The following CACNA1F variants were observed in gnomAD, a reference collection of about 807,000 sequenced individuals.
CACNA1F encodes calcium voltage-gated channel subunit alpha1 F.
A neutral mutation model predicts 143.8 loss-of-function variants in CACNA1F; 59 were observed. The ratio of observed to expected loss-of-function variants is 0.41; its 90% CI spans 0.33 to 0.51. The LOEUF (loss-of-function observed/expected upper bound fraction) is 0.51. Among genes scored for constraint, CACNA1F ranks in the 20% least tolerant of loss-of-function variants. The probability of loss-of-function intolerance (pLI) is 0.22; values close to 1 mark genes in which losing one functional copy is unlikely to be tolerated. For missense variants in CACNA1F, 1,411 were observed against 1,647.5 expected (o/e 0.86, Z 2.48); for synonymous variants, 643 against 649.1 (o/e 0.99, Z 0.14).
At chrX:49,225,830 C>T in intron 13 of CACNA1F, 79 bp downstream of exon 13, 1 of 1,004,982 alleles carries the variant, frequency 1.0e-6, no homozygotes, top group Non-Finnish European at 1.4e-6. Context: ...GCTGAGGCGC[C>T]CTAGAGGTTT....
At position 49,207,016 on chromosome X, in the gene CACNA1F, T is replaced by G. The variant is rs2065604583; in HGVS notation, c.5220A>C (p.Glu1740Asp). ...KGQNKQDEDE[E>D]VPDRLSYLDE... ...CATGGCCAGTGTACCGATCAGGGAC[T>G]TCCTCATCCTCATCTTGCTTGTTTT... The change falls in exon 44 of 48, where the codon GAA becomes GAC. Residue 1740 changes from glutamate (E) to aspartate (D), a missense_variant. Physicochemically the swap from Glu to Asp is conservative, Grantham distance 45 (BLOSUM62 2). Coordinates refer to ENST00000323022, the MANE Select transcript of CACNA1F (RefSeq NM_001256789.3). The G allele has an allele frequency of 1.7e-6, 2 of 1,190,782 alleles. No homozygotes were observed. The highest frequency in any genetic ancestry group is 2.3e-6 in the Non-Finnish European group (2 of 879,941).
chrX:49,229,694 C>T lies in CACNA1F; in HGVS notation c.817+526G>A, dbSNP rs1286056946. Among the ~76,000 whole-genome samples the T allele has an allele frequency of 5.4e-5, 6 of 110,299 alleles. No homozygotes were observed. The Admixed American group carries it at 5.7e-4, about 10-fold the overall frequency. ...GAGTGCAGTGGCGCATCTCGGCTCACTGCAAGCTCCGCCTCCTGGGTTCAC... is the reference window on the plus strand; with the variant it reads ...GAGTGCAGTGGCGCATCTCGGCTCATTGCAAGCTCCGCCTCCTGGGTTCAC... On this transcript the variant is annotated intron_variant, in intron 6 of 47. Transcript: ENST00000323022.
chrX:49,216,276 C>T lies in CACNA1F; in HGVS notation c.3236+106G>A, dbSNP rs185798462. On this transcript the variant is annotated intron_variant, in intron 27 of 47. Transcript: ENST00000323022. Reference sequence around the variant, plus strand: ...ACCCTATCCAGTCTCGAGAGACCTTCGTCACATCCCCAAGGTACACTCCCA... The same window carrying T: ...ACCCTATCCAGTCTCGAGAGACCTTTGTCACATCCCCAAGGTACACTCCCA... 3.8e-4 allele frequency: 326 copies of T among 853,317 alleles called. 1 individual carries two copies. The African/African-American group carries it at 5.5e-3, about 14-fold the overall frequency. The allele number at this position is 853,317 out of a possible 1,213,427, so 70.3% of individuals were successfully genotyped here.
chrX:49,217,675 G>A, intron 26 of CACNA1F, 80 bp downstream of exon 26: 1 of 856,202 alleles, frequency 1.2e-6, no homozygotes, highest in Non-Finnish European at 1.7e-6. Context: ...TATATCTTTG[G>A]GCCTTGGTGA....
At chrX:49,227,346 A>G (rs2065836621) in intron 8 of CACNA1F, among the ~76,000 whole-genome samples, 1 of 111,102 alleles carries the variant, frequency 9.0e-6, no homozygotes, top group Admixed American at 9.6e-5. Context: ...TTCCCCAGAT[A>G]CAGGGTCTCA....
intron 47 of CACNA1F, 64 bp downstream of exon 47, chrX:49,205,552 C>T (rs782115008): frequency 1.9e-6 from 2 of 1,079,633 alleles, no homozygotes; most frequent in Admixed American, 2.5e-5. Flanking sequence ...TTTCCGTCCT[C>T]CTCCAGTACC....
intron 19 of CACNA1F, 31 bp downstream of exon 19, chrX:49,220,442 A>G (rs1557108521): frequency 6.0e-6 from 7 of 1,168,310 alleles, no homozygotes; most frequent in Non-Finnish European, 8.1e-6. Context: ...CCAAGGTCCC[A>G]CACCTGCTCC....
intron 18 of CACNA1F, 28 bp from the exon 19 acceptor site, chrX:49,220,552 A>G (rs1306550173): frequency 6.2e-6 from 7 of 1,128,617 alleles, no homozygotes; most frequent in Admixed American, 2.2e-5. Flanking sequence ...GGAGTCATCA[A>G]TGGTGAGGGA....
At chrX:49,208,894 C>T (rs1602624919) in intron 42 of CACNA1F, 1 of 452,078 alleles carries the variant, frequency 2.2e-6, no homozygotes, top group African/African-American at 2.4e-5. Flanking sequence ...GGCATGATCA[C>T]AGCTCACTGT....
Position 49,215,526 on chromosome X carries a change from A to G in CACNA1F, c.3254T>C (p.Ile1085Thr), listed in dbSNP as rs2065705591. ...EGWPALLYKA[I>T]DAYAEDHGPI... ...GCCGTGGTCCTCTGCATATGCATCGATGGCCTTGTATAGCAGTCTGTGGGA... is the reference window on the plus strand; with the variant it reads ...GCCGTGGTCCTCTGCATATGCATCGGTGGCCTTGTATAGCAGTCTGTGGGA... The change falls in exon 28 of 48, where the codon ATC (isoleucine) becomes ACC (threonine). Residue 1085 changes from isoleucine (I) to threonine (T), a missense_variant. Around this residue, in one of 3 missense-constraint regions of CACNA1F, gnomAD observed 950 missense variants for 1,128.1 expected, o/e 0.84. Transcript: ENST00000323022. 1 of 1,148,201 alleles carries G rather than the reference A, an allele frequency of 8.7e-7. No homozygotes were observed. Among genetic ancestry groups the G allele is most frequent in the Admixed American group, 2.3e-5 (1 of 44,312 alleles). The allele number at this position is 1,148,201 out of a possible 1,213,427, so 94.6% of individuals were successfully genotyped here.
intron 14 of CACNA1F, among the ~76,000 whole-genome samples, chrX:49,224,117 T>G (rs781826242): frequency 9.1e-6 from 1 of 110,481 alleles, no homozygotes; most frequent in African/African-American, 3.3e-5. Context: ...GGGGTTGTGA[T>G]GTATTTGGGG....
intron 42 of CACNA1F, 52 bp from the exon 43 acceptor site, chrX:49,208,736 T>G (rs782485242): frequency 1.4e-5 from 16 of 1,112,625 alleles, no homozygotes; most frequent in Non-Finnish European, 2.0e-5. Flanking sequence ...GCTAAGTCAT[T>G]TGGTCATATA....
intron 31 of CACNA1F, among the ~76,000 whole-genome samples, chrX:49,213,284 G>A (rs1475676292): frequency 2.7e-5 from 3 of 111,586 alleles, no homozygotes; most frequent in South Asian, 7.6e-4. Flanking sequence ...TGAGAGAACC[G>A]ATGGAGAAGC....
rs1557105897 is a variant in CACNA1F, at chrX:49,210,349, C to T, written c.4540G>A (p.Ala1514Thr). 4.1e-6 allele frequency: 5 copies of T among 1,208,323 alleles called. No homozygotes were observed. In the Admixed American group the frequency reaches 6.5e-5, roughly 16 times the overall value. The change falls in exon 39 of 48, where the codon GCC becomes ACC. Residue 1514 changes from alanine (A) to threonine (T), a missense_variant. Ala to Thr is a moderately conservative substitution (Grantham distance 58, BLOSUM62 0). Transcript: ENST00000323022. ...GTCCGGACCAGGGCAAAGAGTGTGG[C>T]GTTGAATGTCACCGTCCCATCTGAG... ...LNSDGTVTFN[A>T]TLFALVRTSL...
In CACNA1F at chrX:49,210,024, T is replaced by C. The variant is rs996550749; in HGVS notation, c.4607A>G (p.Asn1536Ser). The C allele has an allele frequency of 2.5e-6, 3 of 1,205,944 alleles. No individual in the cohort carries two copies. Among genetic ancestry groups the C allele is most frequent in the African/African-American group, 1.8e-5 (1 of 57,088 alleles). ...TTTGATGACAATCCGCAGCTCCTGG[T>C]TGGCTTGCTCCAGGTTCCCTGCGTT... is the stretch of plus-strand genomic sequence containing the variant. ...IKTEGNLEQANQELRIVIKKI... is the reference protein window; with the variant it reads ...IKTEGNLEQASQELRIVIKKI... Residue 1536 changes from asparagine to serine, a missense_variant, in exon 40 of 48, where the codon AAC becomes AGC. Transcript: ENST00000323022.
intron 39 of CACNA1F, 63 bp from the exon 40 acceptor site, chrX:49,210,105 C>CCCAACAG: frequency 1.2e-6 from 1 of 858,706 alleles, no homozygotes; most frequent in Non-Finnish European, 1.7e-6. Context: ...TGCCCCCTCA[C>CCCAACAG]TGTTGGGTGG....
chrX:49,220,213 G>A (rs1433405017), intron 19 of CACNA1F, among the ~76,000 whole-genome samples: 1 of 111,844 alleles, frequency 8.9e-6, no homozygotes, highest in African/African-American at 3.3e-5. Context: ...GAGTAGCTGG[G>A]ACTACAGGCT....
chrX:49,205,071 A>G lies in CACNA1F; in HGVS notation c.*66T>C, dbSNP rs1557104430. 3 of 866,920 alleles carry G rather than the reference A, an allele frequency of 3.5e-6. No individual in the cohort carries two copies. The highest frequency in any genetic ancestry group is 5.0e-6 in the Non-Finnish European group (3 of 595,727). 71.4% of individuals were successfully genotyped at this position (866,920 alleles called of 1,213,427 possible). On this transcript the variant is annotated 3_prime_UTR_variant, in exon 48 of 48. Coordinates refer to ENST00000323022, the MANE Select transcript of CACNA1F (RefSeq NM_001256789.3). ...ACAACAAAATCCAGGGATGTGGTCC[A>G]TGCCTGCCTCCTGCTGGGGAGGGGA...
chrX:49,212,566 A>C, intron 33 of CACNA1F, 101 bp downstream of exon 33: 1 of 898,475 alleles, frequency 1.1e-6, no homozygotes, highest in African/African-American at 2.0e-5. Context: ...GGAAATGGGT[A>C]TGGCATGTTG....
Sources: allele counts gnomAD v4.1 joint callset (sites outside exome capture counted in the v4.1 genomes callset), GRCh38; gene constraint gnomAD v4.1.1; regional missense constraint gnomAD v4.1.1; transcripts MANE v1.5; gene names NCBI Gene and HGNC (gene_info 2026-07-23, HGNC 2026-07-21).